Variants in TRIM55 observed in about 807,000 individuals in gnomAD.
The protein encoded by TRIM55 is tripartite motif containing 55.
Under a neutral mutation model 60.9 loss-of-function variants are expected in TRIM55, and 50 were observed. The ratio of observed to expected loss-of-function variants is 0.82; its 90% CI spans 0.65 to 1.04. The LOEUF (loss-of-function observed/expected upper bound fraction) is 1.04, where lower values mean the gene tolerates loss of function less well. TRIM55 is among the 50% of genes least tolerant of loss of function. TRIM55 has a pLI of 0.00. For synonymous variants in TRIM55, 237 were observed against 238.1 expected (o/e 1.00, Z 0.04); for missense variants, 681 against 666.9 (o/e 1.02, Z -0.23).
At chr8:66,122,064 G>T (rs1385073838), upstream of TRIM55, among the ~76,000 whole-genome samples, 1 of 152,104 alleles carries the variant, frequency 6.6e-6, no homozygotes. Context: ...CCACCCCATG[G>T]ATTGGTGTCT....
At chr8:66,114,130 C>G in the TRIM55 span, among the ~76,000 whole-genome samples, 1 of 133,738 alleles carries the variant, frequency 7.5e-6, no homozygotes, top group South Asian at 2.7e-4. Flanking sequence ...AGTCTGTCTT[C>G]AGCGCTCAAT....
chr8:66,155,831 A>G (rs974170312), intron 9 of TRIM55: 1 of 709,228 alleles, frequency 1.4e-6, no homozygotes, highest in Non-Finnish European at 2.3e-6. Flanking sequence ...CTCCCAAAAG[A>G]ACATTGTTCT....
In TRIM55 at chr8:66,168,302, A is replaced by G. The variant is rs981642729; in HGVS notation, c.1525-6169A>G. On this transcript the variant is annotated intron_variant, in intron 9 of 9. Transcript: ENST00000315962. Reference sequence around the variant, plus strand: ...GATAGTGCCTCAGTTACTTCTCACCATGGGTGACTGGCCTGGGTTCTTGGC... The same window carrying G: ...GATAGTGCCTCAGTTACTTCTCACCGTGGGTGACTGGCCTGGGTTCTTGGC... Among the ~76,000 whole-genome samples the G allele has an allele frequency of 4.6e-5, 7 of 152,154 alleles. 1 individual carries two copies. Among genetic ancestry groups the G allele is most frequent in the Admixed American group, 3.3e-4 (5 of 15,282 alleles).
intron 2 of TRIM55, among the ~76,000 whole-genome samples, chr8:66,130,657 T>C (rs1453006562): frequency 7.4e-6 from 1 of 135,920 alleles, no homozygotes; most frequent in Non-Finnish European, 1.5e-5. Context: ...AAACCTAGCA[T>C]TCTTTTTTTT....
In TRIM55 at chr8:66,137,159, G is replaced by C; in HGVS notation, c.572G>C (p.Ser191Thr). 1 of 1,614,164 alleles carries C rather than the reference G, an allele frequency of 6.2e-7. No homozygotes were observed. Among genetic ancestry groups the C allele is most frequent in the Non-Finnish European group, 8.5e-7 (1 of 1,180,030 alleles). Residue 191 changes from serine (S) to threonine (T), a missense_variant, in exon 4 of 10, where the codon AGC becomes ACC. Coordinates refer to ENST00000315962, the MANE Select transcript of TRIM55 (RefSeq NM_184085.2). ...GSNDRVQGVI[S>T]QLEDTCKTIE... is the part of the protein sequence containing the mutation. ...AACGATCGAGTCCAGGGAGTGATCA[G>C]CCAGCTGGAAGACACCTGCAAAACT...
chr8:66,136,529 T>C (rs552608965), intron 3 of TRIM55, among the ~76,000 whole-genome samples: 2 of 152,206 alleles, frequency 1.3e-5, no homozygotes, highest in Admixed American at 6.5e-5. Flanking sequence ...CAGCCAGTCT[T>C]GGGAAGGGGG....
At chr8:66,122,284 G>A (rs1808661478), upstream of TRIM55, among the ~76,000 whole-genome samples, 1 of 152,062 alleles carries the variant, frequency 6.6e-6, no homozygotes, top group Admixed American at 6.6e-5. Flanking sequence ...AAATGGAGAG[G>A]CTAATCAGAA....
intron 4 of TRIM55, among the ~76,000 whole-genome samples, chr8:66,142,398 G>A (rs1809867250): frequency 6.6e-6 from 1 of 152,176 alleles, no homozygotes; most frequent in Non-Finnish European, 1.5e-5. Context: ...GGAAATATAG[G>A]CAACCAAGGG....
chr8:66,121,255 G>A, the TRIM55 span, among the ~76,000 whole-genome samples: 3 of 152,306 alleles, frequency 2.0e-5, no homozygotes, highest in South Asian at 2.1e-4. Flanking sequence ...GTTTTTCAAT[G>A]TGTCTTAACA....
In TRIM55 at chr8:66,174,635, T is replaced by C. The variant is rs752376236; in HGVS notation, c.*42T>C. 18 of 1,547,446 alleles carry C rather than the reference T, an allele frequency of 1.2e-5. No homozygotes were observed. In the Admixed American group the frequency reaches 3.1e-4, roughly 27 times the overall value. On this transcript the variant is annotated 3_prime_UTR_variant, in exon 10 of 10. Coordinates refer to ENST00000315962, the MANE Select transcript of TRIM55 (RefSeq NM_184085.2). ...TGCCCCTCTGTCTGCCTGGCTGAGATGCATGTGGGCAGCAGGAAGCCCAAG... is the reference window on the plus strand; with the variant it reads ...TGCCCCTCTGTCTGCCTGGCTGAGACGCATGTGGGCAGCAGGAAGCCCAAG...
At position 66,152,620 on chromosome 8, in the gene TRIM55, T is replaced by A; in HGVS notation, c.1229T>A (p.Val410Glu). 1 of 1,613,864 alleles carries A rather than the reference T, an allele frequency of 6.2e-7. No individual in the cohort carries two copies. ...CTGCCACCTGCTGCGGATGCCCCTGTGACACAGGTAACCCCTCCTGAGTCT... is the reference window on the plus strand; with the variant it reads ...CTGCCACCTGCTGCGGATGCCCCTGAGACACAGGTAACCCCTCCTGAGTCT... The part of the protein sequence containing the change: ...PALPPAADAP[V>E]TQGEVVPTGS... The change falls in exon 8 of 10, where the codon GTG (valine) becomes GAG (glutamate). Residue 410 changes from valine (V) to glutamate (E), a missense_variant. By Grantham distance (121) the Val-to-Glu change is moderately radical. Coordinates refer to ENST00000315962, the MANE Select transcript of TRIM55 (RefSeq NM_184085.2).
the TRIM55 span, among the ~76,000 whole-genome samples, chr8:66,115,533 G>GAAGT: frequency 6.6e-6 from 1 of 152,170 alleles, no homozygotes; most frequent in Non-Finnish European, 1.5e-5. Context: ...AAAGGAATAG[G>GAAGT]AAGTAATGCG....
chr8:66,124,689 C>T (rs1003956668), upstream of TRIM55, among the ~76,000 whole-genome samples: 1 of 152,254 alleles, frequency 6.6e-6, no homozygotes, highest in Non-Finnish European at 1.5e-5. Flanking sequence ...CTGCGTCAGG[C>T]AAACCTGCCT....
At chr8:66,133,208 C>T (rs760614025) in intron 2 of TRIM55, among the ~76,000 whole-genome samples, 2 of 152,160 alleles carry the variant, frequency 1.3e-5, no homozygotes, top group African/African-American at 4.8e-5. Flanking sequence ...CTCAGGAGTG[C>T]CAGGTGATCC....
At chr8:66,143,549 A>G (rs1809940725) in intron 4 of TRIM55, among the ~76,000 whole-genome samples, 1 of 151,564 alleles carries the variant, frequency 6.6e-6, no homozygotes, top group Non-Finnish European at 1.5e-5. Context: ...CAAAGGTTGC[A>G]TAGCTATATT....
In TRIM55 at chr8:66,152,472, A is replaced by T; in HGVS notation, c.1081A>T (p.Asn361Tyr). ...GEAVEVEEVE[N>Y]VQTEFPGEDE... is the part of the protein sequence containing the mutation. The stretch of plus-strand genomic sequence containing the variant: ...AGCAGTAGAAGTGGAAGAGGTAGAA[A>T]ATGTTCAAACAGAGTTTCCAGGAGA... Residue 361 changes from asparagine to tyrosine, a missense_variant, in exon 8 of 10, where the codon AAT becomes TAT. Physicochemically the swap from Asn to Tyr is moderately radical, Grantham distance 143. Transcript: ENST00000315962. 1 of 1,614,144 alleles carries T rather than the reference A, an allele frequency of 6.2e-7. No individual in the cohort carries two copies. Among genetic ancestry groups the T allele is most frequent in the Non-Finnish European group, 8.5e-7 (1 of 1,180,018 alleles).
intron 4 of TRIM55, among the ~76,000 whole-genome samples, chr8:66,143,586 T>C (rs902701440): frequency 4.6e-5 from 7 of 152,014 alleles, no homozygotes; most frequent in African/African-American, 9.7e-5. Flanking sequence ...TTTTGGGTTT[T>C]TTTTTTTTTA....
chr8:66,114,067 G>T, the TRIM55 span, among the ~76,000 whole-genome samples: 3 of 135,370 alleles, frequency 2.2e-5, no homozygotes, highest in African/African-American at 8.4e-5. Context: ...TTCGATTCCG[G>T]CTCGAAGGAG....
the TRIM55 span, among the ~76,000 whole-genome samples, chr8:66,117,991 C>G: frequency 6.6e-6 from 1 of 150,558 alleles, no homozygotes; most frequent in Non-Finnish European, 1.5e-5. Flanking sequence ...ACGGTGAAAC[C>G]CCATCTCTAC....
Sources: gnomAD v4.1 joint callset for allele counts (sites outside exome capture counted in the v4.1 genomes callset) on GRCh38, gnomAD v4.1.1 for gene constraint, MANE v1.5 for transcripts, NCBI Gene and HGNC (gene_info 2026-07-23, HGNC 2026-07-21) for gene names.